The following ADCY2 variants were observed in gnomAD, a reference collection of about 807,000 sequenced individuals.
ADCY2 encodes the protein adenylate cyclase 2, also known as adenylate cyclase type 2.
A neutral mutation model predicts 125.2 loss-of-function variants in ADCY2; 31 were observed. The ratio of observed to expected loss-of-function variants is 0.25; its 90% confidence interval spans 0.19 to 0.33. The LOEUF is 0.33. ADCY2 is among the 10% of genes least tolerant of loss of function. The probability of loss-of-function intolerance (pLI) is 1.00; values close to 1 mark genes in which losing one functional copy is unlikely to be tolerated. For synonymous variants in ADCY2, 512 were observed against 548.4 expected, an observed-to-expected ratio of 0.93 and a Z score of 0.93; for missense variants, 904 against 1,418.2, an observed-to-expected ratio of 0.64 and a Z score of 5.82.
intron 19 of ADCY2, among the ~76,000 whole-genome samples, chr5:7,788,287 C>G (rs1744144408): frequency 6.6e-6 from 1 of 152,174 alleles, no homozygotes; most frequent in South Asian, 2.1e-4. Flanking sequence ...TCAAGTGATT[C>G]TCCTGCTTCA....
chr5:7,733,410 G>T (rs1180383633), intron 14 of ADCY2, among the ~76,000 whole-genome samples: 1 of 152,100 alleles, frequency 6.6e-6, no homozygotes, highest in Non-Finnish European at 1.5e-5. Flanking sequence ...GTTTTGCAGG[G>T]TTTTTAATTT....
intron 2 of ADCY2, among the ~76,000 whole-genome samples, chr5:7,506,963 A>G (rs1743845237): frequency 6.7e-6 from 1 of 149,472 alleles, no homozygotes; most frequent in African/African-American, 2.4e-5. Flanking sequence ...AATTTTTTGT[A>G]TTTTTAGTAC....
At chr5:7,587,327 A>G (rs1352133189) in intron 3 of ADCY2, among the ~76,000 whole-genome samples, 1 of 152,160 alleles carries the variant, frequency 6.6e-6, no homozygotes, top group East Asian at 1.9e-4. Context: ...CAGTGGCACT[A>G]AGCAGTGTCA....
chr5:7,584,712 T>G (rs1324548956), intron 3 of ADCY2, among the ~76,000 whole-genome samples: 1 of 152,176 alleles, frequency 6.6e-6, no homozygotes, highest in Non-Finnish European at 1.5e-5. Context: ...TTTTTATTTA[T>G]CAGAAATGCA....
intron 2 of ADCY2, among the ~76,000 whole-genome samples, chr5:7,440,984 G>A (rs1740992271): frequency 6.6e-6 from 1 of 152,162 alleles, no homozygotes; most frequent in Admixed American, 6.5e-5. Context: ...GTTAGCGCAG[G>A]CAGGGAACGG....
chr5:7,572,884 A>G (rs1287132159), intron 3 of ADCY2, among the ~76,000 whole-genome samples: 1 of 152,166 alleles, frequency 6.6e-6, no homozygotes, highest in Non-Finnish European at 1.5e-5. Context: ...GTTTATATGT[A>G]GAAGTCCTAA....
At chr5:7,508,424 G>C (rs532925709) in intron 2 of ADCY2, among the ~76,000 whole-genome samples, 2 of 152,286 alleles carry the variant, frequency 1.3e-5, no homozygotes, top group African/African-American at 4.8e-5. Context: ...AAGCTCAGCA[G>C]GAAGGATGAA....
chr5:7,718,885 T>A (rs1741677159), intron 12 of ADCY2, among the ~76,000 whole-genome samples: 2 of 152,216 alleles, frequency 1.3e-5, no homozygotes, highest in African/African-American at 4.8e-5. Context: ...GGAAGGATGC[T>A]TTCACTGAAG....
intron 2 of ADCY2, among the ~76,000 whole-genome samples, chr5:7,419,953 C>G (rs769469724): frequency 6.6e-6 from 1 of 152,140 alleles, no homozygotes. Context: ...GAGACGAAGG[C>G]ACAGGAGGGA....
chr5:7,538,037 C>G (rs1561081150), intron 3 of ADCY2, among the ~76,000 whole-genome samples: 1 of 152,314 alleles, frequency 6.6e-6, no homozygotes, highest in East Asian at 1.9e-4. Flanking sequence ...TAATTCTCCT[C>G]TCACCTGAAT....
At chr5:7,638,494 T>C (rs1738582213) in intron 4 of ADCY2, among the ~76,000 whole-genome samples, 1 of 152,104 alleles carries the variant, frequency 6.6e-6, no homozygotes, top group South Asian at 2.1e-4. Flanking sequence ...GGAACAAAAG[T>C]GCATTTGAGA....
intron 12 of ADCY2, among the ~76,000 whole-genome samples, chr5:7,722,744 A>G (rs1438369874): frequency 6.6e-6 from 1 of 152,048 alleles, no homozygotes; most frequent in Non-Finnish European, 1.5e-5. Flanking sequence ...AGACCACCTG[A>G]GGTCAGGAGT....
intron 2 of ADCY2, among the ~76,000 whole-genome samples, chr5:7,432,506 C>T (rs78203459): frequency 0.025 from 3,791 of 152,274 alleles, 150 homozygotes; most frequent in African/African-American, 0.085. Flanking sequence ...CACCCTGGCT[C>T]CTGGACCCGC....
intron 3 of ADCY2, among the ~76,000 whole-genome samples, chr5:7,620,935 T>G (rs1167642702): frequency 6.6e-6 from 1 of 151,864 alleles, no homozygotes; most frequent in Non-Finnish European, 1.5e-5. Flanking sequence ...GGCATTTCCC[T>G]CATTACCAGG....
intron 3 of ADCY2, among the ~76,000 whole-genome samples, chr5:7,585,770 A>T (rs1478064159): frequency 2.0e-5 from 3 of 152,202 alleles, no homozygotes; most frequent in Non-Finnish European, 1.5e-5. Flanking sequence ...GTCTTTCGGG[A>T]TTAGTATCCA....
At chr5:7,807,243 G>T (rs1211862690) in intron 22 of ADCY2, among the ~76,000 whole-genome samples, 4 of 152,156 alleles carry the variant, frequency 2.6e-5, no homozygotes, top group Admixed American at 2.6e-4. Context: ...GGATGTTCAA[G>T]AAAAGTCTCC....
intron 2 of ADCY2, among the ~76,000 whole-genome samples, chr5:7,500,594 C>G (rs1469546835): frequency 1.3e-5 from 2 of 152,080 alleles, no homozygotes; most frequent in African/African-American, 2.4e-5. Context: ...AGAAAAAACA[C>G]CAGGCAACTT....
intron 3 of ADCY2, among the ~76,000 whole-genome samples, chr5:7,602,195 G>A (rs1005120843): frequency 6.6e-6 from 1 of 152,132 alleles, no homozygotes; most frequent in Non-Finnish European, 1.5e-5. Flanking sequence ...TCCAAGTAAG[G>A]TCACATTCAC....
chr5:7,699,397 A>G (rs1264118588), intron 7 of ADCY2, among the ~76,000 whole-genome samples: 2 of 151,998 alleles, frequency 1.3e-5, no homozygotes, highest in East Asian at 1.9e-4. Flanking sequence ...GCGCCCGGCC[A>G]GTAAGCATTT....
Sources: gnomAD v4.1 joint callset for allele counts (sites outside exome capture counted in the v4.1 genomes callset) on GRCh38, gnomAD v4.1.1 for gene constraint, MANE v1.5 for transcripts, NCBI Gene and HGNC (gene_info 2026-07-23, HGNC 2026-07-21) for gene names.